ASPH: variants seen among roughly 807,000 people sequenced by gnomAD.
The protein encoded by ASPH is aspartate beta-hydroxylase, also known as aspartyl/asparaginyl beta-hydroxylase.
A neutral mutation model predicts 118.4 loss-of-function variants in ASPH; 100 were observed. The observed-to-expected ratio is 0.84, with a 90% confidence interval of 0.72 to 1.00. ASPH has a LOEUF of 1.00. Ranked by LOEUF, ASPH falls within the 50% of genes least tolerant of loss-of-function variation. The pLI, the probability that ASPH is intolerant of heterozygous loss-of-function variation, is 0.00. For missense variants in ASPH, 920 were observed against 919.5 expected (o/e 1.00, Z -0.01); for synonymous variants, 315 against 325.6 (o/e 0.97, Z 0.35).
At chr8:61,544,557 T>C (rs1420367401) in intron 21 of ASPH, among the ~76,000 whole-genome samples, 3 of 152,226 alleles carry the variant, frequency 2.0e-5, no homozygotes, top group Admixed American at 1.3e-4. Flanking sequence ...CTTCCTCTCC[T>C]GGTGCAGTGC....
chr8:61,638,151 A>G, intron 11 of ASPH, 148 bp from the exon 12 acceptor site: 1 of 1,137,232 alleles, frequency 8.8e-7, no homozygotes, highest in Non-Finnish European at 1.2e-6. Flanking sequence ...TCTTCTGCAG[A>G]GTATTTATAT....
chr8:61,514,050 C>T lies in ASPH; in HGVS notation c.2126+3478G>A, dbSNP rs558475953. On this transcript the variant is annotated intron_variant, in intron 24 of 24. Coordinates refer to ENST00000379454, the MANE Select transcript of ASPH (RefSeq NM_004318.4). ...CACTATGTTTGTTGGAGTGCAGTGG[C>T]GCAGTCATGGCTCACTGCAGCCTCA... Among the ~76,000 whole-genome samples, 133 of 151,634 alleles carry T rather than the reference C, an allele frequency of 8.8e-4. 1 individual carries two copies. Among genetic ancestry groups the T allele is most frequent in the African/African-American group, 3.0e-3 (123 of 41,302 alleles).
intron 6 of ASPH, among the ~76,000 whole-genome samples, chr8:61,645,812 C>T (rs1807639432): frequency 6.6e-6 from 1 of 152,136 alleles, no homozygotes; most frequent in African/African-American, 2.4e-5. Context: ...TAGGAGCTAC[C>T]TGCTGCTAAA....
chr8:61,503,594 T>C, intron 24 of ASPH, 85 bp from the exon 25 acceptor site: 1 of 1,336,066 alleles, frequency 7.5e-7, no homozygotes, highest in Non-Finnish European at 1.0e-6. Flanking sequence ...GTGCGAGAAC[T>C]ACCTTTGGTA....
At chr8:61,531,787 C>T (rs1817662110) in intron 21 of ASPH, among the ~76,000 whole-genome samples, 1 of 152,132 alleles carries the variant, frequency 6.6e-6, no homozygotes, top group African/African-American at 2.4e-5. Flanking sequence ...TGATATCATA[C>T]AGTGTTTGTC....
chr8:61,518,241 C>T, intron 22 of ASPH, 118 bp from the exon 23 acceptor site: 1 of 805,304 alleles, frequency 1.2e-6, no homozygotes, highest in Non-Finnish European at 1.9e-6. Context: ...ATTGAGTAAA[C>T]ATGAGAAGAT....
chr8:61,706,530 C>T (rs1397502360), intron 1 of ASPH, among the ~76,000 whole-genome samples: 2 of 149,384 alleles, frequency 1.3e-5, no homozygotes, highest in African/African-American at 2.5e-5. Flanking sequence ...GCAGGCCAGC[C>T]GGCCAGGTGC....
intron 3 of ASPH, chr8:61,676,004 C>CAAGGA: frequency 3.8e-6 from 6 of 1,575,162 alleles, no homozygotes; most frequent in Non-Finnish European, 5.1e-6. Flanking sequence ...CTGCATAAGC[C>CAAGGA]AAGGAAAGAA....
At position 61,533,167 on chromosome 8, in the gene ASPH, TG is replaced by T. The variant is rs975201229; in HGVS notation, c.1765-7056del. Among the ~76,000 whole-genome samples the T allele has an allele frequency of 4.7e-4, 71 of 152,110 alleles. 1 individual carries two copies. Among genetic ancestry groups the T allele is most frequent in the African/African-American group, 1.6e-3 (68 of 41,530 alleles). ...TATCTGAATGTCAGCTATGTTAAAT[TG>T]AGCCTCTAATCATCCTATGTTTTCT... On this transcript the variant is annotated intron_variant, in intron 21 of 24. Coordinates refer to ENST00000379454, the MANE Select transcript of ASPH (RefSeq NM_004318.4).
At chr8:61,625,727 G>T in intron 13 of ASPH, 1 of 985,312 alleles carries the variant, frequency 1.0e-6, no homozygotes, top group South Asian at 4.7e-5. Flanking sequence ...AGAAATTTTT[G>T]ATAAGAATAT....
At chr8:61,648,659 A>G (rs915028848) in intron 5 of ASPH, among the ~76,000 whole-genome samples, 1 of 152,220 alleles carries the variant, frequency 6.6e-6, no homozygotes, top group African/African-American at 2.4e-5. Context: ...AACATTGAAC[A>G]CTATCTTTGA....
At chr8:61,606,886 A>G (rs575377122) in intron 14 of ASPH, 89 of 171,840 alleles carry the variant, frequency 5.2e-4, no homozygotes, top group African/African-American at 2.0e-3. Flanking sequence ...TTTTTTTTCC[A>G]TATCAACTTA....
chr8:61,698,040 A>C (rs565765016), intron 1 of ASPH, among the ~76,000 whole-genome samples: 16 of 152,196 alleles, frequency 1.1e-4, no homozygotes, highest in Non-Finnish European at 1.3e-4. Flanking sequence ...GGCTTCAAGC[A>C]GTCCTCCCAC....
Position 61,638,318 on chromosome 8 carries a change from T to C in ASPH, c.832+4A>G. 6.3e-7 allele frequency: 1 copy of C among 1,597,986 alleles called. No individual in the cohort carries two copies. The highest frequency in any genetic ancestry group is 8.5e-7 in the Non-Finnish European group (1 of 1,175,704). Reference sequence around the variant, plus strand: ...GAAAATATGTGCTTACAGAAAAAACTTACCTGTGATTTCTATCCCTTCATT... The same window carrying C: ...GAAAATATGTGCTTACAGAAAAAACCTACCTGTGATTTCTATCCCTTCATT... On this transcript the variant is annotated splice_donor_region_variant and intron_variant, in intron 11 of 24. Transcript: ENST00000379454.
chr8:61,564,068 G>A (rs1320036189), intron 17 of ASPH, among the ~76,000 whole-genome samples: 1 of 152,160 alleles, frequency 6.6e-6, no homozygotes, highest in Non-Finnish European at 1.5e-5. Context: ...CCAGGGCCGA[G>A]GACAGGGTGA....
chr8:61,646,790 A>G lies in ASPH; in HGVS notation c.579T>C (p.Asp193=), dbSNP rs774719705. ...CAGGTTCCAGGGTCTCAAATCTATC[A>G]TCTACATCAGTCGCCATAAGAAACT... ...DDEFLMATDV[D]DRFETLEPEV... The change falls in exon 6 of 25, where the codon GAT becomes GAC. Residue 193 remains aspartate (D), a synonymous_variant. Coordinates refer to ENST00000379454, the MANE Select transcript of ASPH (RefSeq NM_004318.4). The G allele has an allele frequency of 6.2e-7, 1 of 1,614,016 alleles. No individual in the cohort carries two copies. The highest frequency in any genetic ancestry group is 1.7e-5 in the Admixed American group (1 of 60,020).
chr8:61,680,989 C>A lies in ASPH; in HGVS notation c.301G>T (p.Asp101Tyr). Residue 101 changes from aspartate to tyrosine, a missense_variant, in exon 3 of 25, where the codon GAT becomes TAT. Physicochemically the swap from Asp to Tyr is radical, Grantham distance 160. Transcript: ENST00000379454. ...DADGDGDFDVDDAKVLLGLKE... is the reference protein window; with the variant it reads ...DADGDGDFDVYDAKVLLGLKE... ...TTGCCTAATAAAACTTTGGCATCAT[C>A]CACATCAAAATCTCCATCACCATCA... The A allele has an allele frequency of 6.2e-7, 1 of 1,604,734 alleles. No individual in the cohort carries two copies. Among genetic ancestry groups the A allele is most frequent in the Non-Finnish European group, 8.5e-7 (1 of 1,175,092 alleles).
intron 3 of ASPH, among the ~76,000 whole-genome samples, chr8:61,672,368 A>G (rs1249258554): frequency 1.3e-5 from 2 of 152,196 alleles, no homozygotes; most frequent in Non-Finnish European, 2.9e-5. Flanking sequence ...AGACAGAGAA[A>G]AAAAGGTAAA....
chr8:61,699,719 GA>G (rs747425398), intron 1 of ASPH, among the ~76,000 whole-genome samples: 2 of 151,960 alleles, frequency 1.3e-5, no homozygotes, highest in African/African-American at 4.8e-5. Flanking sequence ...GCAAGACTGT[GA>G]AAAAAAATTC....
Sources: gnomAD v4.1 joint callset for allele counts (sites outside exome capture counted in the v4.1 genomes callset) on GRCh38, gnomAD v4.1.1 for gene constraint, MANE v1.5 for transcripts, NCBI Gene and HGNC (gene_info 2026-07-23, HGNC 2026-07-21) for gene names.